The following SPIDR variants were observed in gnomAD, a reference collection of about 807,000 sequenced individuals.
SPIDR encodes the protein scaffold protein involved in DNA repair, also known as DNA repair-scaffolding protein.
Under a neutral mutation model 104.6 loss-of-function variants are expected in SPIDR, and 93 were observed. The ratio of observed to expected loss-of-function variants is 0.89; its 90% CI spans 0.75 to 1.06. The LOEUF (loss-of-function observed/expected upper bound fraction) is 1.06, where lower values mean the gene tolerates loss of function less well. Ranked by LOEUF, SPIDR falls within the 50% of genes least tolerant of loss-of-function variation. The probability of loss-of-function intolerance (pLI) is 0.00; values close to 1 mark genes in which losing one functional copy is unlikely to be tolerated. For synonymous variants in SPIDR, 431 were observed against 416.9 expected (o/e 1.03, Z -0.41); for missense variants, 1,154 against 1,111.2 (o/e 1.04, Z -0.55).
rs766119953 is a variant in SPIDR, at chr8:47,713,504, CT to C, written c.2205del (p.Glu736AsnfsTer12). On this transcript the variant is annotated frameshift_variant, in exon 16 of 20. Coordinates refer to ENST00000297423, the MANE Select transcript of SPIDR (RefSeq NM_001080394.4). LOFTEE classifies it high-confidence loss of function. The part of the protein sequence containing the change: ...ALRDQGRIVC[A>X]ERTVLLLQKP... The stretch of plus-strand genomic sequence containing the variant: ...CTGTCGGCAGGTCGGATTGTTTGTG[CT>C]GAACGAACTGTCCTCTTGCTTCAGA... 1 of 1,614,146 alleles carries C rather than the reference CT, an allele frequency of 6.2e-7. No individual in the cohort carries two copies. Among genetic ancestry groups the C allele is most frequent in the African/African-American group, 1.3e-5 (1 of 75,024 alleles).
intron 8 of SPIDR, among the ~76,000 whole-genome samples, chr8:47,555,113 C>T (rs2091163240): frequency 6.6e-6 from 1 of 152,176 alleles, no homozygotes; most frequent in Admixed American, 6.5e-5. Flanking sequence ...TCTTCTGTCT[C>T]TGTTTTGCTA....
chr8:47,477,928 G>A (rs1272550579), intron 8 of SPIDR, among the ~76,000 whole-genome samples: 1 of 152,176 alleles, frequency 6.6e-6, no homozygotes, highest in East Asian at 1.9e-4. Flanking sequence ...GCGCTTAGCT[G>A]GGAAGGAGGA....
At position 47,557,419 on chromosome 8, in the gene SPIDR, T is replaced by C. The variant is rs148752521; in HGVS notation, c.1098-38392T>C. Among the ~76,000 whole-genome samples, 16 of 152,324 alleles carry C rather than the reference T, an allele frequency of 1.1e-4. No individual in the cohort carries two copies. The East Asian group carries it at 2.9e-3, about 28-fold the overall frequency. On this transcript the variant is annotated intron_variant, in intron 8 of 19. Transcript: ENST00000297423. ...TCTGAACTGATAACAAGAAGGGCAG[T>C]TGCAGGGAGATTATGAGCGTCATAT... is the stretch of plus-strand genomic sequence containing the variant.
intron 8 of SPIDR, among the ~76,000 whole-genome samples, chr8:47,591,012 A>G (rs1356944608): frequency 6.6e-6 from 1 of 151,680 alleles, no homozygotes; most frequent in Non-Finnish European, 1.5e-5. Flanking sequence ...CTCATTTTTT[A>G]CTTTCATCCT....
At chr8:47,289,187 T>C (rs2039445426) in intron 3 of SPIDR, among the ~76,000 whole-genome samples, 1 of 152,152 alleles carries the variant, frequency 6.6e-6, no homozygotes, top group African/African-American at 2.4e-5. Context: ...ATTTTTTAAC[T>C]TTTTGTAGAG....
At chr8:47,419,880 A>AG (rs1235415074) in intron 7 of SPIDR, among the ~76,000 whole-genome samples, 1 of 152,082 alleles carries the variant, frequency 6.6e-6, no homozygotes, top group African/African-American at 2.4e-5. Flanking sequence ...TTATGTACCC[A>AG]GTAGTCATTC....
chr8:47,532,065 ATTTTT>A (rs34728107), intron 8 of SPIDR, among the ~76,000 whole-genome samples: 1 of 119,612 alleles, frequency 8.4e-6, no homozygotes, highest in Non-Finnish European at 1.7e-5. Flanking sequence ...GTCAGAGTGG[ATTTTT>A]TTTTTTTTTT....
chr8:47,377,652 G>T (rs1219381900), intron 5 of SPIDR, among the ~76,000 whole-genome samples: 1 of 152,226 alleles, frequency 6.6e-6, no homozygotes, highest in Admixed American at 6.5e-5. Flanking sequence ...CAGTCCCTCA[G>T]GAGGAAACAG....
intron 7 of SPIDR, among the ~76,000 whole-genome samples, chr8:47,426,587 A>C (rs1231313762): frequency 1.3e-5 from 2 of 152,244 alleles, no homozygotes; most frequent in Non-Finnish European, 2.9e-5. Flanking sequence ...CATATTTTAC[A>C]CTTGAAGATG....
intron 8 of SPIDR, among the ~76,000 whole-genome samples, chr8:47,527,189 C>T (rs1159660339): frequency 6.6e-6 from 1 of 152,120 alleles, no homozygotes; most frequent in African/African-American, 2.4e-5. Context: ...TAACAGTATA[C>T]CGGAGCATTC....
intron 5 of SPIDR, among the ~76,000 whole-genome samples, chr8:47,350,172 A>G (rs781953491): frequency 1.2e-4 from 18 of 152,242 alleles, no homozygotes; most frequent in South Asian, 4.1e-4. Context: ...TGAAATTTGT[A>G]TGAATGGAAT....
At chr8:47,507,115 G>A (rs1436203560) in intron 8 of SPIDR, among the ~76,000 whole-genome samples, 1 of 152,160 alleles carries the variant, frequency 6.6e-6, no homozygotes, top group Admixed American at 6.5e-5. Flanking sequence ...TCTTACTCCT[G>A]GTTCAAGAAA....
Position 47,713,636 on chromosome 8 carries a change from T to A in SPIDR, c.2336T>A (p.Val779Asp). The change falls in exon 16 of 20, where the codon GTT becomes GAT. Residue 779 changes from valine to aspartate, a missense_variant. By Grantham distance (152) the Val-to-Asp change is radical. Transcript: ENST00000297423. ...ACACCTGTCAACTCCATCTGCAGTG[T>A]TCAAGGTAGGCAGCCATCTCACAGG... ...SATPVNSICSVQGTVVGVDES... is the reference protein window; with the variant it reads ...SATPVNSICSDQGTVVGVDES... 2 of 1,614,074 alleles carry A rather than the reference T, an allele frequency of 1.2e-6. No individual in the cohort carries two copies. Among genetic ancestry groups the A allele is most frequent in the Non-Finnish European group, 1.7e-6 (2 of 1,180,002 alleles).
chr8:47,654,089 C>G, intron 10 of SPIDR: 1 of 1,289,802 alleles, frequency 7.8e-7, no homozygotes, highest in Non-Finnish European at 1.0e-6. Context: ...TTAGGCCCCA[C>G]CATGTGTGTA....
At chr8:47,516,723 A>G (rs1022517466) in intron 8 of SPIDR, among the ~76,000 whole-genome samples, 1 of 152,146 alleles carries the variant, frequency 6.6e-6, no homozygotes, top group Non-Finnish European at 1.5e-5. Flanking sequence ...TACTGTGTGA[A>G]TAATGCTTCT....
intron 10 of SPIDR, among the ~76,000 whole-genome samples, chr8:47,637,882 C>A (rs1016378150): frequency 2.0e-5 from 3 of 152,178 alleles, no homozygotes; most frequent in Admixed American, 2.0e-4. Flanking sequence ...GAGCTCCAAT[C>A]CCCTTGTTTG....
chr8:47,712,779 G>C lies in SPIDR; in HGVS notation c.2095G>C (p.Ala699Pro), dbSNP rs749666327. ...CCCCAAAACCCTGCTGGTCTATGTG[G>C]CCCCCTTGTGTGTGCTGGGCTCTGA... Reference protein sequence around the residue: ...RLPKTLLVYVAPLCVLGSEVL... With the variant: ...RLPKTLLVYVPPLCVLGSEVL... Residue 699 changes from alanine to proline, a missense_variant, in exon 15 of 20, where the codon GCC (alanine) becomes CCC (proline). Coordinates refer to ENST00000297423, the MANE Select transcript of SPIDR (RefSeq NM_001080394.4). 2 of 1,614,118 alleles carry C rather than the reference G, an allele frequency of 1.2e-6. No individual in the cohort carries two copies. Among genetic ancestry groups the C allele is most frequent in the Non-Finnish European group, 8.5e-7 (1 of 1,180,042 alleles).
chr8:47,381,068 T>C (rs2059268758), intron 5 of SPIDR, among the ~76,000 whole-genome samples: 1 of 152,234 alleles, frequency 6.6e-6, no homozygotes, highest in African/African-American at 2.4e-5. Context: ...AGTGAAGTTC[T>C]TAACGCGTAA....
At chr8:47,666,202 A>C (rs1421873278) in intron 10 of SPIDR, among the ~76,000 whole-genome samples, 1 of 152,240 alleles carries the variant, frequency 6.6e-6, no homozygotes, top group Non-Finnish European at 1.5e-5. Context: ...AAATTAAATA[A>C]AATTAAAAAT....
Sources: allele counts gnomAD v4.1 joint callset (sites outside exome capture counted in the v4.1 genomes callset), GRCh38; gene constraint gnomAD v4.1.1; transcripts MANE v1.5; gene names NCBI Gene and HGNC (gene_info 2026-07-23, HGNC 2026-07-21).